DNAH8: variants seen among roughly 807,000 people sequenced by gnomAD.
DNAH8 encodes dynein axonemal heavy chain 8.
Under a neutral mutation model 562.1 loss-of-function variants are expected in DNAH8, and 382 were observed. The observed-to-expected ratio is 0.68, with a 90% CI of 0.63 to 0.74. DNAH8 has a LOEUF of 0.74. Ranked by LOEUF, DNAH8 falls within the 30% of genes least tolerant of loss-of-function variation. The pLI is 0.00. For missense variants in DNAH8, 5,203 were observed against 5,620.4 expected, an observed-to-expected ratio of 0.93 and a Z score of 2.37; for synonymous variants, 1,881 against 1,919.4, an observed-to-expected ratio of 0.98 and a Z score of 0.52.
chr6:38,765,563 A>G (rs1456472398), intron 11 of DNAH8, among the ~76,000 whole-genome samples: 1 of 152,086 alleles, frequency 6.6e-6, no homozygotes, highest in South Asian at 2.1e-4. Flanking sequence ...CCCTTTCCTC[A>G]TTGTGTGTTC....
intron 41 of DNAH8, among the ~76,000 whole-genome samples, chr6:38,856,865 C>T (rs991340819): frequency 1.3e-5 from 2 of 152,090 alleles, no homozygotes; most frequent in African/African-American, 4.8e-5. Context: ...AGGGACAACC[C>T]TTTCAGTGAA....
At chr6:38,741,631 C>G (rs1487718020) in intron 7 of DNAH8, 80 bp from the exon 8 acceptor site, 6 of 1,208,544 alleles carry the variant, frequency 5.0e-6, no homozygotes, top group Non-Finnish European at 6.9e-6. Context: ...ATACTTTCAG[C>G]TGCCTTCAAA....
At chr6:38,827,787 T>G (rs1205458625) in intron 29 of DNAH8, among the ~76,000 whole-genome samples, 2 of 131,730 alleles carry the variant, frequency 1.5e-5, no homozygotes, top group Non-Finnish European at 3.1e-5. Flanking sequence ...AGACAATTAC[T>G]GGTCATCCCT....
chr6:38,802,341 A>G (rs1283688083), intron 21 of DNAH8, among the ~76,000 whole-genome samples: 1 of 151,474 alleles, frequency 6.6e-6, no homozygotes. Context: ...ACTCCTGGGC[A>G]TGAGCAATCC....
At chr6:38,747,075 A>G (rs1765005428) in intron 8 of DNAH8, among the ~76,000 whole-genome samples, 1 of 152,198 alleles carries the variant, frequency 6.6e-6, no homozygotes, top group South Asian at 2.1e-4. Flanking sequence ...TGTAAGATTT[A>G]ATAATAATGA....
chr6:38,890,441 G>A (rs1409808974), intron 57 of DNAH8, among the ~76,000 whole-genome samples: 3 of 152,018 alleles, frequency 2.0e-5, no homozygotes, highest in Non-Finnish European at 2.9e-5. Context: ...GCTGGGTGGG[G>A]GATTAAATGA....
intron 53 of DNAH8, among the ~76,000 whole-genome samples, chr6:38,877,733 T>TTTA (rs1778137751): frequency 1.3e-5 from 2 of 152,184 alleles, no homozygotes; most frequent in African/African-American, 2.4e-5. Context: ...AAGACTTCAT[T>TTTA]CATAGATTTA....
intron 21 of DNAH8, among the ~76,000 whole-genome samples, chr6:38,799,378 C>T (rs115519863): frequency 1.3e-4 from 20 of 152,092 alleles, no homozygotes; most frequent in African/African-American, 4.6e-4. Flanking sequence ...GTATCCTCAG[C>T]GTTGTCCTCT....
chr6:38,792,978 C>T (rs1769900018), intron 21 of DNAH8, among the ~76,000 whole-genome samples: 2 of 152,022 alleles, frequency 1.3e-5, no homozygotes, highest in African/African-American at 4.8e-5. Context: ...GACAGGGTTT[C>T]ACCATGTTAC....
At chr6:38,716,215 C>T (rs1215335248) in intron 1 of DNAH8, among the ~76,000 whole-genome samples, 5 of 151,420 alleles carry the variant, frequency 3.3e-5, no homozygotes, top group African/African-American at 1.2e-4. Flanking sequence ...CCCACCTCGG[C>T]CTCCCAAAGT....
intron 18 of DNAH8, 124 bp from the exon 19 acceptor site, chr6:38,789,679 G>A: frequency 1.6e-6 from 1 of 630,428 alleles, no homozygotes; most frequent in Non-Finnish European, 2.7e-6. Flanking sequence ...GTTTAAATGG[G>A]CAGCTGTCAT....
chr6:38,944,452 T>G (rs1783690705), intron 79 of DNAH8, among the ~76,000 whole-genome samples: 1 of 152,198 alleles, frequency 6.6e-6, no homozygotes, highest in African/African-American at 2.4e-5. Flanking sequence ...AGTTGATTTG[T>G]GAACTGGAAG....
chr6:38,997,263 G>C (rs1441275093), intron 88 of DNAH8, among the ~76,000 whole-genome samples: 1 of 152,138 alleles, frequency 6.6e-6, no homozygotes, highest in Non-Finnish European at 1.5e-5. Flanking sequence ...AAGTGAGCTT[G>C]CCTTCTTCAA....
intron 82 of DNAH8, among the ~76,000 whole-genome samples, 199 bp from the exon 83 acceptor site, chr6:38,971,393 G>C (rs916477981): frequency 6.6e-6 from 1 of 151,670 alleles, no homozygotes; most frequent in Non-Finnish European, 1.5e-5. Flanking sequence ...ACGCTTTTCC[G>C]GGTGGTGCCT....
intron 53 of DNAH8, among the ~76,000 whole-genome samples, chr6:38,881,567 T>TTTTTA (rs1778493068): frequency 7.6e-6 from 1 of 131,202 alleles, no homozygotes; most frequent in African/African-American, 2.8e-5. Context: ...TTTTTTTTTT[T>TTTTTA]GAGACGGAGT....
In DNAH8 at chr6:38,873,051, A is replaced by G. The variant is rs909436897; in HGVS notation, c.7383A>G (p.Glu2461=). The change falls in exon 51 of 93, where the codon GAA becomes GAG. Residue 2461 remains glutamate, a synonymous_variant. Coordinates refer to ENST00000327475, the MANE Select transcript of DNAH8 (RefSeq NM_001206927.2). ...CCCCTAGTTGTAAGCTTCTGTTTGA[A>G]GTCCACAATATCGAGAACGCCTCTC... ...PMAPSCKLLF[E]VHNIENASPA... is the part of the protein sequence containing the mutation. The G allele has an allele frequency of 3.1e-6, 5 of 1,614,140 alleles. No homozygotes were observed. Among genetic ancestry groups the G allele is most frequent in the Non-Finnish European group, 4.2e-6 (5 of 1,179,996 alleles).
intron 24 of DNAH8, among the ~76,000 whole-genome samples, chr6:38,808,140 A>G (rs1187227784): frequency 6.6e-6 from 1 of 152,144 alleles, no homozygotes; most frequent in African/African-American, 2.4e-5. Context: ...ATGTAGTTGG[A>G]GTATACGTAG....
At chr6:38,898,408 T>C (rs1779848739) in intron 61 of DNAH8, 28 bp downstream of exon 61, 5 of 1,505,836 alleles carry the variant, frequency 3.3e-6, no homozygotes, top group Non-Finnish European at 4.4e-6. Context: ...TTTACTGATA[T>C]AAATAGATGA....
Position 38,883,903 on chromosome 6 carries a change from C to A in DNAH8, c.8164C>A (p.Arg2722=). 1.3e-6 allele frequency: 2 copies of A among 1,584,544 alleles called. No homozygotes were observed. Among genetic ancestry groups the A allele is most frequent in the African/African-American group, 1.4e-5 (1 of 73,964 alleles). The change falls in exon 56 of 93, where the codon CGA becomes AGA. Residue 2722 remains arginine (R), a synonymous_variant. Coordinates refer to ENST00000327475, the MANE Select transcript of DNAH8 (RefSeq NM_001206927.2). ...AACAATTGAAAGCTACGTGGATAAG[C>A]GAATTGGAAGCACATATGGGCCACC... ...QRTIESYVDK[R]IGSTYGPPGG...
Sources: allele counts gnomAD v4.1 joint callset (sites outside exome capture counted in the v4.1 genomes callset), GRCh38; gene constraint gnomAD v4.1.1; transcripts MANE v1.5; gene names NCBI Gene and HGNC (gene_info 2026-07-23, HGNC 2026-07-21).